The following GALNTL6 variants were observed in gnomAD, a reference collection of about 807,000 sequenced individuals.
GALNTL6 encodes polypeptide N-acetylgalactosaminyltransferase like 6, also known as polypeptide N-acetylgalactosaminyltransferase-like 6.
Under a neutral mutation model 73.7 loss-of-function variants are expected in GALNTL6, and 46 were observed. The ratio of observed to expected loss-of-function variants is 0.62; its 90% CI spans 0.49 to 0.80. The LOEUF is 0.80. Ranked by LOEUF, GALNTL6 falls within the 30% of genes least tolerant of loss-of-function variation. The pLI is 0.00. For missense variants in GALNTL6, 604 were observed against 755.0 expected (o/e 0.80, Z 2.34); for synonymous variants, 259 against 263.7 (o/e 0.98, Z 0.17).
At chr4:171,987,775 C>T (rs187404675) in intron 2 of GALNTL6, among the ~76,000 whole-genome samples, 3,427 of 152,112 alleles carry the variant, frequency 0.023, 126 homozygotes, top group African/African-American at 0.076. Flanking sequence ...CTGGTGGAAC[C>T]ACCATCAATA....
At chr4:172,818,100 G>A (rs1560973088) in intron 7 of GALNTL6, among the ~76,000 whole-genome samples, 1 of 152,178 alleles carries the variant, frequency 6.6e-6, no homozygotes. Context: ...ACTCGTTGAT[G>A]TAATGGTTCA....
chr4:172,274,371 A>G (rs767213379), intron 3 of GALNTL6, among the ~76,000 whole-genome samples: 1 of 152,216 alleles, frequency 6.6e-6, no homozygotes, highest in Non-Finnish European at 1.5e-5. Context: ...AGTTACCTCT[A>G]TCTGGTATCT....
chr4:171,943,402 A>G (rs1738606960), intron 2 of GALNTL6, among the ~76,000 whole-genome samples: 1 of 152,178 alleles, frequency 6.6e-6, no homozygotes, highest in Non-Finnish European at 1.5e-5. Flanking sequence ...CAAGTTAGAG[A>G]TGGAATTTTA....
intron 2 of GALNTL6, among the ~76,000 whole-genome samples, chr4:172,196,386 A>G (rs1735771591): frequency 6.6e-6 from 1 of 152,206 alleles, no homozygotes; most frequent in Non-Finnish European, 1.5e-5. Flanking sequence ...AGCTGGTACC[A>G]TTTCTTCTGA....
chr4:171,909,490 A>T (rs1244335438), intron 2 of GALNTL6, among the ~76,000 whole-genome samples: 2 of 152,224 alleles, frequency 1.3e-5, no homozygotes, highest in Non-Finnish European at 2.9e-5. Flanking sequence ...AGTAAACATT[A>T]TAAGCTTAGT....
intron 2 of GALNTL6, among the ~76,000 whole-genome samples, chr4:172,177,774 C>CATATATATACACACAT (rs376416193): frequency 1.0e-5 from 1 of 99,242 alleles, no homozygotes; most frequent in African/African-American, 4.5e-5. Context: ...TATATGTACA[C>CATATATATACACACAT]ATATATACAC....
intron 8 of GALNTL6, among the ~76,000 whole-genome samples, chr4:172,901,680 T>G (rs1746637077): frequency 6.6e-6 from 1 of 152,138 alleles, no homozygotes; most frequent in African/African-American, 2.4e-5. Context: ...ACGAAAAAAA[T>G]TCCAGAAAAT....
At chr4:172,341,068 C>T (rs1343240284) in intron 4 of GALNTL6, among the ~76,000 whole-genome samples, 1 of 152,180 alleles carries the variant, frequency 6.6e-6, no homozygotes, top group Non-Finnish European at 1.5e-5. Context: ...TCACCATGCC[C>T]TGGAATCTCA....
Position 172,078,610 on chromosome 4 carries a change from A to G in GALNTL6, c.139-151046A>G, listed in dbSNP as rs577732922. ...TCTTAGATACTGAAAGGGAAGTTAA[A>G]ATTAAGAGGCTGCTTCAAGTTGATT... On this transcript the variant is annotated intron_variant, in intron 2 of 12. Coordinates refer to ENST00000506823, the MANE Select transcript of GALNTL6 (RefSeq NM_001034845.3). Among the ~76,000 whole-genome samples, 366 of 152,166 alleles carry G rather than the reference A, an allele frequency of 2.4e-3. 2 individuals are homozygous for G. Among genetic ancestry groups the G allele is most frequent in the Non-Finnish European group, 3.8e-3 (260 of 68,024 alleles).
chr4:172,100,764 G>A (rs1732487504), intron 2 of GALNTL6, among the ~76,000 whole-genome samples: 2 of 152,056 alleles, frequency 1.3e-5, no homozygotes, highest in African/African-American at 4.8e-5. Context: ...GTTTTATGAT[G>A]TCCAAGTCAT....
intron 8 of GALNTL6, among the ~76,000 whole-genome samples, chr4:172,909,324 T>G (rs1161759863): frequency 6.9e-6 from 1 of 145,630 alleles, no homozygotes; most frequent in East Asian, 2.0e-4. Flanking sequence ...AAAAAAAAAC[T>G]AGAAGCAATC....
intron 7 of GALNTL6, among the ~76,000 whole-genome samples, chr4:172,855,447 C>A (rs911311421): frequency 2.0e-5 from 3 of 152,050 alleles, no homozygotes; most frequent in African/African-American, 7.2e-5. Flanking sequence ...ATAAATAGTT[C>A]AAATCCTACG....
intron 2 of GALNTL6, among the ~76,000 whole-genome samples, chr4:171,964,177 T>TA (rs796299810): frequency 6.6e-5 from 10 of 151,782 alleles, no homozygotes; most frequent in African/African-American, 2.4e-4. Flanking sequence ...AGCAATACTT[T>TA]TTTTTTTTTC....
chr4:172,929,006 A>C (rs534353333), intron 8 of GALNTL6, among the ~76,000 whole-genome samples: 1 of 152,304 alleles, frequency 6.6e-6, no homozygotes, highest in East Asian at 1.9e-4. Flanking sequence ...ATCCTGGGAC[A>C]GGTGTTTATT....
At chr4:172,705,361 A>G (rs1327969065) in intron 5 of GALNTL6, among the ~76,000 whole-genome samples, 2 of 150,024 alleles carry the variant, frequency 1.3e-5, no homozygotes, top group Non-Finnish European at 1.5e-5. Context: ...TTTTTGCTGC[A>G]TGGGTATATA....
intron 5 of GALNTL6, among the ~76,000 whole-genome samples, chr4:172,651,483 T>C (rs1166518882): frequency 1.3e-5 from 2 of 152,244 alleles, no homozygotes; most frequent in African/African-American, 4.8e-5. Context: ...TCCTGGAATA[T>C]AGTAGGCACT....
chr4:172,640,005 C>A (rs1739897527), intron 5 of GALNTL6, among the ~76,000 whole-genome samples: 1 of 152,006 alleles, frequency 6.6e-6, no homozygotes, highest in South Asian at 2.1e-4. Flanking sequence ...ATGTTACCAC[C>A]CCATTACTTT....
intron 2 of GALNTL6, among the ~76,000 whole-genome samples, chr4:172,041,606 T>C (rs1263819838): frequency 6.6e-6 from 1 of 152,112 alleles, no homozygotes; most frequent in Non-Finnish European, 1.5e-5. Context: ...GGCTTTTTTA[T>C]GATTAACAAA....
At chr4:171,821,309 G>A (rs932402965) in intron 2 of GALNTL6, among the ~76,000 whole-genome samples, 5 of 152,046 alleles carry the variant, frequency 3.3e-5, no homozygotes, top group Non-Finnish European at 5.9e-5. Flanking sequence ...CCGAAGTGCC[G>A]GGATTGCAAG....
Sources: gnomAD v4.1 joint callset for allele counts (sites outside exome capture counted in the v4.1 genomes callset) on GRCh38, gnomAD v4.1.1 for gene constraint, MANE v1.5 for transcripts, NCBI Gene and HGNC (gene_info 2026-07-23, HGNC 2026-07-21) for gene names.